The following CTNND2 variants were observed in gnomAD, a reference collection of about 807,000 sequenced individuals.
CTNND2 encodes the protein catenin delta-2.
In CTNND2, 22 loss-of-function variants were observed where a neutral mutation model predicts 144.4. That is an observed-to-expected ratio of 0.15 (90% CI 0.11 to 0.22). The LOEUF (loss-of-function observed/expected upper bound fraction) is 0.22. Ranked by LOEUF, CTNND2 falls within the 10% of genes least tolerant of loss-of-function variation. The probability of loss-of-function intolerance (pLI) is 1.00; values close to 1 mark genes in which losing one functional copy is unlikely to be tolerated. For synonymous variants in CTNND2, 751 were observed against 695.6 expected (o/e 1.08, Z -1.25); for missense variants, 1,353 against 1,618.8 (o/e 0.84, Z 2.82).
At chr5:11,749,834 C>T (rs1788514093) in intron 1 of CTNND2, among the ~76,000 whole-genome samples, 1 of 151,914 alleles carries the variant, frequency 6.6e-6, no homozygotes, top group Non-Finnish European at 1.5e-5. Context: ...ATCAGATGAT[C>T]TAATCTTATT....
chr5:11,423,164 C>T (rs1368103626), intron 3 of CTNND2, among the ~76,000 whole-genome samples: 2 of 152,172 alleles, frequency 1.3e-5, no homozygotes, highest in Non-Finnish European at 2.9e-5. Context: ...TTATAATATA[C>T]AGTGTTTTGA....
Position 11,515,219 on chromosome 5 carries a change from T to G in CTNND2, c.287+49725A>C, listed in dbSNP as rs192427204. Among the ~76,000 whole-genome samples, 342 of 152,208 alleles carry G rather than the reference T, an allele frequency of 2.2e-3. 2 individuals carry two copies. The highest frequency in any genetic ancestry group is 7.8e-3 in the African/African-American group (325 of 41,514). On this transcript the variant is annotated intron_variant, in intron 3 of 21. Transcript: ENST00000304623. ...GTATTTTCTCAACGGGGGTAATACT[T>G]CAGTGATTCTCCTCAAATATCAGTC... is the stretch of plus-strand genomic sequence containing the variant.
At chr5:11,346,992 A>C (rs1256575292) in intron 8 of CTNND2, among the ~76,000 whole-genome samples, 1 of 152,230 alleles carries the variant, frequency 6.6e-6, no homozygotes, top group East Asian at 1.9e-4. Flanking sequence ...CAAGTTGAGA[A>C]GATTCAGAAT....
At chr5:11,488,766 C>T (rs369552902) in intron 3 of CTNND2, among the ~76,000 whole-genome samples, 54 of 152,290 alleles carry the variant, frequency 3.5e-4, no homozygotes, top group African/African-American at 1.3e-3. Context: ...CACTTTCCAT[C>T]GTTATGACTG....
intron 1 of CTNND2, among the ~76,000 whole-genome samples, chr5:11,797,358 A>G (rs1162794501): frequency 6.6e-6 from 1 of 152,184 alleles, no homozygotes; most frequent in Non-Finnish European, 1.5e-5. Flanking sequence ...GCCCCCAGCC[A>G]GGACTTCCAA....
chr5:11,117,643 C>T, intron 12 of CTNND2, 76 bp from the exon 13 acceptor site: 1 of 1,165,742 alleles, frequency 8.6e-7, no homozygotes, highest in East Asian at 2.4e-5. Flanking sequence ...CAGCTGCTCT[C>T]ATAGTTTGAA....
chr5:11,702,637 G>A (rs533405974), intron 2 of CTNND2, among the ~76,000 whole-genome samples: 1 of 152,184 alleles, frequency 6.6e-6, no homozygotes, highest in African/African-American at 2.4e-5. Flanking sequence ...CCAGCACAAG[G>A]ATTGCTACAC....
chr5:11,460,742 C>T (rs1041729836), intron 3 of CTNND2, among the ~76,000 whole-genome samples: 3 of 152,142 alleles, frequency 2.0e-5, no homozygotes, highest in Admixed American at 2.0e-4. Context: ...TTTACCTTAG[C>T]TGACTACTGC....
At position 11,809,278 on chromosome 5, in the gene CTNND2, A is replaced by G. The variant is rs758538797; in HGVS notation, c.38-77006T>C. ...CACTTTCAAAGTGATGTAAAGCTAA[A>G]CATAATAAAACAGGATATAAAAGAT... On this transcript the variant is annotated intron_variant, in intron 1 of 21. Transcript: ENST00000304623. 4.1e-4 allele frequency among the ~76,000 whole-genome samples: 63 copies of G among 152,192 alleles called. 1 individual carries two copies. Among genetic ancestry groups the G allele is most frequent in the Non-Finnish European group, 1.3e-4 (9 of 68,026 alleles).
At chr5:11,423,520 C>T (rs1285069935) in intron 3 of CTNND2, among the ~76,000 whole-genome samples, 1 of 152,178 alleles carries the variant, frequency 6.6e-6, no homozygotes, top group Admixed American at 6.5e-5. Context: ...GTCGGACCAT[C>T]TCAGTTAAGG....
intron 3 of CTNND2, among the ~76,000 whole-genome samples, chr5:11,442,149 G>A (rs1764325475): frequency 1.3e-5 from 2 of 152,062 alleles, no homozygotes; most frequent in Non-Finnish European, 2.9e-5. Flanking sequence ...ATCCCTGTGG[G>A]CATTTCATTG....
intron 1 of CTNND2, among the ~76,000 whole-genome samples, chr5:11,846,636 A>T (rs1794748483): frequency 6.6e-6 from 1 of 152,276 alleles, no homozygotes; most frequent in Middle Eastern, 3.4e-3. Flanking sequence ...CAGCAAAGTA[A>T]ACAATAAAGT....
intron 11 of CTNND2, among the ~76,000 whole-genome samples, chr5:11,172,182 G>C (rs1395676047): frequency 6.6e-6 from 1 of 152,156 alleles, no homozygotes; most frequent in African/African-American, 2.4e-5. Flanking sequence ...GGTGGGTCCT[G>C]CTACCTAAGA....
intron 9 of CTNND2, among the ~76,000 whole-genome samples, chr5:11,251,619 T>C (rs958437897): frequency 3.3e-5 from 5 of 152,208 alleles, no homozygotes; most frequent in African/African-American, 9.6e-5. Context: ...CCTTGGCATA[T>C]AGTTTGGAAA....
At chr5:11,436,224 T>C (rs1256594570) in intron 3 of CTNND2, among the ~76,000 whole-genome samples, 1 of 151,932 alleles carries the variant, frequency 6.6e-6, no homozygotes, top group African/African-American at 2.4e-5. Flanking sequence ...GATTCACCCA[T>C]TACAAAGACC....
At chr5:11,789,706 T>G (rs528097714) in intron 1 of CTNND2, among the ~76,000 whole-genome samples, 2 of 152,290 alleles carry the variant, frequency 1.3e-5, no homozygotes, top group South Asian at 4.1e-4. Context: ...CTTCCAAATC[T>G]TTTTACCCCT....
chr5:10,999,075 AT>A (rs750717533), intron 18 of CTNND2, among the ~76,000 whole-genome samples: 5 of 152,168 alleles, frequency 3.3e-5, no homozygotes, highest in Admixed American at 6.5e-5. Context: ...CACAAATCTC[AT>A]GGCCTTCCTC....
intron 2 of CTNND2, among the ~76,000 whole-genome samples, chr5:11,674,428 T>C (rs913880931): frequency 6.6e-6 from 1 of 152,174 alleles, no homozygotes; most frequent in Non-Finnish European, 1.5e-5. Context: ...TCCCCTATAC[T>C]TCCTACCCCC....
intron 14 of CTNND2, among the ~76,000 whole-genome samples, chr5:11,108,430 A>T (rs2149681060): frequency 6.6e-6 from 1 of 152,332 alleles, no homozygotes; most frequent in South Asian, 2.1e-4. Flanking sequence ...TCATTTATGC[A>T]TTTGGCATCT....
Sources: gnomAD v4.1 joint callset for allele counts (sites outside exome capture counted in the v4.1 genomes callset) on GRCh38, gnomAD v4.1.1 for gene constraint, MANE v1.5 for transcripts, NCBI Gene and HGNC (gene_info 2026-07-23, HGNC 2026-07-21) for gene names.